Variants in KHDRBS2 observed in about 807,000 individuals in gnomAD.
KHDRBS2 encodes KH RNA binding domain containing, signal transduction associated 2.
Under a neutral mutation model 44.3 loss-of-function variants are expected in KHDRBS2, and 26 were observed. That is an observed-to-expected ratio of 0.59 (90% CI 0.43 to 0.81). The LOEUF is 0.81. KHDRBS2 is among the 40% of genes least tolerant of loss of function. KHDRBS2 has a pLI of 0.00. For synonymous variants in KHDRBS2, 194 were observed against 151.1 expected, an observed-to-expected ratio of 1.28 and a Z score of -2.08; for missense variants, 476 against 433.1, an observed-to-expected ratio of 1.10 and a Z score of -0.88.
chr6:61,930,652 G>A (rs1230470239), intron 4 of KHDRBS2, among the ~76,000 whole-genome samples: 1 of 148,436 alleles, frequency 6.7e-6, no homozygotes, highest in East Asian at 2.0e-4. Flanking sequence ...AGCCAAGATG[G>A]CGCCACTGCA....
chr6:61,684,352 T>A (rs1766603377), intron 8 of KHDRBS2, among the ~76,000 whole-genome samples: 1 of 151,882 alleles, frequency 6.6e-6, no homozygotes, highest in South Asian at 2.1e-4. Context: ...ACCTTGAGCA[T>A]GGAAGAGGCC....
intron 4 of KHDRBS2, among the ~76,000 whole-genome samples, chr6:61,971,891 A>C (rs1244421114): frequency 6.6e-6 from 1 of 152,168 alleles, no homozygotes; most frequent in East Asian, 1.9e-4. Context: ...TTTTAGAAAT[A>C]GTTTTTCTGG....
At chr6:61,914,590 A>G (rs930295916) in intron 4 of KHDRBS2, among the ~76,000 whole-genome samples, 3 of 152,054 alleles carry the variant, frequency 2.0e-5, no homozygotes, top group Non-Finnish European at 4.4e-5. Context: ...GCACACCAAC[A>G]TGGCACATGT....
At chr6:61,774,241 G>A (rs1781534573) in intron 6 of KHDRBS2, among the ~76,000 whole-genome samples, 1 of 152,108 alleles carries the variant, frequency 6.6e-6, no homozygotes, top group Non-Finnish European at 1.5e-5. Context: ...GGGCAGTATG[G>A]CCATTTTCAC....
intron 3 of KHDRBS2, among the ~76,000 whole-genome samples, chr6:61,989,781 T>A (rs1330531478): frequency 6.6e-6 from 1 of 152,160 alleles, no homozygotes; most frequent in Admixed American, 6.5e-5. Flanking sequence ...TCTGCTCATA[T>A]CCCCCTGCCC....
chr6:61,989,586 C>G, intron 3 of KHDRBS2, among the ~76,000 whole-genome samples: 1 of 152,134 alleles, frequency 6.6e-6, no homozygotes, highest in East Asian at 1.9e-4. Flanking sequence ...TTCTTTCTGT[C>G]TTTGCAATCT....
the KHDRBS2 span, among the ~76,000 whole-genome samples, chr6:61,648,216 T>G: frequency 6.6e-6 from 1 of 152,122 alleles, no homozygotes; most frequent in Admixed American, 6.6e-5. Context: ...TTTATGGAAC[T>G]AGGTGCCTTG....
intron 3 of KHDRBS2, among the ~76,000 whole-genome samples, chr6:61,985,809 A>T (rs1446636027): frequency 1.3e-5 from 2 of 152,180 alleles, no homozygotes; most frequent in Non-Finnish European, 2.9e-5. Context: ...TGATACTGAG[A>T]ACTTCAGTAT....
At chr6:61,897,996 T>C (rs1803247125) in intron 5 of KHDRBS2, among the ~76,000 whole-genome samples, 1 of 152,142 alleles carries the variant, frequency 6.6e-6, no homozygotes, top group Admixed American at 6.6e-5. Flanking sequence ...TATTACAATA[T>C]ATAGATGTAA....
intron 2 of KHDRBS2, among the ~76,000 whole-genome samples, chr6:62,136,157 A>G (rs1223742277): frequency 6.6e-6 from 1 of 152,172 alleles, no homozygotes; most frequent in African/African-American, 2.4e-5. Context: ...GTGCATATGT[A>G]TATCAAAACA....
intron 3 of KHDRBS2, among the ~76,000 whole-genome samples, chr6:62,002,129 C>T (rs1778360728): frequency 1.3e-5 from 2 of 151,690 alleles, no homozygotes; most frequent in Admixed American, 6.6e-5. Flanking sequence ...TGAAACCATT[C>T]AATTTTGACA....
chr6:62,155,392 A>G (rs552008873), intron 2 of KHDRBS2, among the ~76,000 whole-genome samples: 1 of 152,350 alleles, frequency 6.6e-6, no homozygotes, highest in East Asian at 1.9e-4. Flanking sequence ...GTTACTGAAT[A>G]TATAAATCTG....
intron 3 of KHDRBS2, among the ~76,000 whole-genome samples, chr6:62,009,558 G>C (rs1291090226): frequency 6.6e-6 from 1 of 152,184 alleles, no homozygotes; most frequent in African/African-American, 2.4e-5. Flanking sequence ...GCATGTCTGA[G>C]ATCTTCATGG....
chr6:61,758,726 T>C (rs1207490434), intron 6 of KHDRBS2, among the ~76,000 whole-genome samples: 1 of 152,104 alleles, frequency 6.6e-6, no homozygotes, highest in Admixed American at 6.5e-5. Context: ...AAAATCCTAA[T>C]CAACCTATGG....
At chr6:62,126,350 T>A (rs994753330) in intron 2 of KHDRBS2, among the ~76,000 whole-genome samples, 1 of 152,162 alleles carries the variant, frequency 6.6e-6, no homozygotes, top group African/African-American at 2.4e-5. Context: ...CCAGGTAGAT[T>A]TCTAAGGTTT....
At chr6:61,818,146 T>G (rs1256671295) in intron 6 of KHDRBS2, among the ~76,000 whole-genome samples, 1 of 151,904 alleles carries the variant, frequency 6.6e-6, no homozygotes, top group African/African-American at 2.4e-5. Context: ...ATAAGTAAGA[T>G]GCAACTCTAC....
chr6:61,593,527 A>G, the KHDRBS2 span, among the ~76,000 whole-genome samples: 19 of 148,190 alleles, frequency 1.3e-4, no homozygotes, highest in African/African-American at 4.7e-4. Flanking sequence ...TCTCACTTCT[A>G]CTTCTACCAA....
intron 6 of KHDRBS2, among the ~76,000 whole-genome samples, chr6:61,891,474 T>C (rs1801827354): frequency 1.3e-5 from 2 of 152,156 alleles, no homozygotes; most frequent in South Asian, 4.1e-4. Flanking sequence ...GATTCCCTCT[T>C]TTTCTACTGA....
chr6:62,251,550 T>C (rs1387852583), intron 1 of KHDRBS2, among the ~76,000 whole-genome samples: 1 of 151,884 alleles, frequency 6.6e-6, no homozygotes, highest in African/African-American at 2.4e-5. Flanking sequence ...AAATCCAAAG[T>C]CCCTACACTT....
Sources: gnomAD v4.1 joint callset for allele counts (sites outside exome capture counted in the v4.1 genomes callset) on GRCh38, gnomAD v4.1.1 for gene constraint, MANE v1.5 for transcripts, NCBI Gene and HGNC (gene_info 2026-07-23, HGNC 2026-07-21) for gene names.